PCDHGA2: variants seen among roughly 807,000 people sequenced by gnomAD.
The protein encoded by PCDHGA2 is protocadherin gamma subfamily A, 2.
Under a neutral mutation model 59.2 loss-of-function variants are expected in PCDHGA2, and 40 were observed. The observed-to-expected ratio is 0.68, with a 90% CI of 0.52 to 0.88. The LOEUF (loss-of-function observed/expected upper bound fraction) is 0.88. Among genes scored for constraint, PCDHGA2 ranks in the 40% least tolerant of loss-of-function variants. The pLI is 0.00. For synonymous variants in PCDHGA2, 560 were observed against 526.0 expected (o/e 1.06, Z -0.89); for missense variants, 1,226 against 1,204.0 (o/e 1.02, Z -0.27).
Position 141,485,752 on chromosome 5 carries a change from G to A in PCDHGA2, c.2425-9055G>A. 1 of 1,614,232 alleles carries A rather than the reference G, an allele frequency of 6.2e-7. No individual in the cohort carries two copies. Among genetic ancestry groups the A allele is most frequent in the Middle Eastern group, 1.6e-4 (1 of 6,062 alleles). ...GCAGCGACGGCAGCCTGGTCCCAGA[G>A]CTGCTCCTGGAGAAGCCTTTGGATC... On this transcript the variant is annotated intron_variant, in intron 1 of 3. Coordinates refer to ENST00000394576, the MANE Select transcript of PCDHGA2 (RefSeq NM_018915.4). This position sits in a 1 kb window ranked among gnomAD's most constrained non-coding sequence, Gnocchi z 5.7.
At chr5:141,376,590 G>C (rs569935512) in intron 1 of PCDHGA2, 2 of 1,570,070 alleles carry the variant, frequency 1.3e-6, no homozygotes, top group Admixed American at 1.8e-5. Flanking sequence ...CAGCTAGATC[G>C]GCTGTTATAG....
In PCDHGA2 at chr5:141,388,603, C is replaced by T. The variant is rs558931275; in HGVS notation, c.2424+47208C>T. The T allele has an allele frequency of 6.9e-5, 111 of 1,613,860 alleles. 1 individual carries two copies. The South Asian group carries it at 1.2e-3, about 18-fold the overall frequency. ...GTGACTGATGCCAATGATAATGCTCCAGTGTTCAGTCAAGACGTATACAGG... is the reference window on the plus strand; with the variant it reads ...GTGACTGATGCCAATGATAATGCTCTAGTGTTCAGTCAAGACGTATACAGG... On this transcript the variant is annotated intron_variant, in intron 1 of 3. Transcript: ENST00000394576.
At chr5:141,443,604 G>A (rs1561911807) in intron 1 of PCDHGA2, among the ~76,000 whole-genome samples, 1 of 152,194 alleles carries the variant, frequency 6.6e-6, no homozygotes, top group Non-Finnish European at 1.5e-5. Context: ...TATATGAAAT[G>A]TTCTTATAAT....
chr5:141,424,799 A>G (rs552155487), intron 1 of PCDHGA2: 90 of 152,274 alleles, frequency 5.9e-4, no homozygotes, highest in African/African-American at 2.1e-3. Context: ...ATTCAGACCA[A>G]CTTGTTATTG....
Position 141,489,068 on chromosome 5 carries a change from G to GC in PCDHGA2, c.2425-5736dup. ...CTCAAATTCAGCTCCCCTCCCCCCT[G>GC]CCCACCCCCGCCACTCGGTGACTAA... On this transcript the variant is annotated intron_variant, in intron 1 of 3. Transcript: ENST00000394576. The surrounding 1 kb of genome is among the most constrained non-coding windows in gnomAD (Gnocchi z 4.5). 3 of 291,558 alleles carry GC rather than the reference G, an allele frequency of 1.0e-5. No homozygotes were observed. Among genetic ancestry groups the GC allele is most frequent in the Admixed American group, 5.4e-5 (1 of 18,530 alleles). 18.1% of individuals were successfully genotyped at this position (291,558 alleles called of 1,614,324 possible).
At chr5:141,498,073 T>C (rs1474889879) in intron 2 of PCDHGA2, among the ~76,000 whole-genome samples, 1 of 152,214 alleles carries the variant, frequency 6.6e-6, no homozygotes, top group Non-Finnish European at 1.5e-5. Context: ...CTGTCATAAG[T>C]GCTAGGTAGA....
At chr5:141,351,639 A>G (rs552754324) in intron 1 of PCDHGA2, 4 of 1,614,040 alleles carry the variant, frequency 2.5e-6, no homozygotes, top group African/African-American at 1.3e-5. Flanking sequence ...GTGTCTGAGA[A>G]CAACCCACCT....
chr5:141,357,517 C>T (rs1051091923), intron 1 of PCDHGA2: 6 of 1,614,246 alleles, frequency 3.7e-6, no homozygotes, highest in Non-Finnish European at 5.1e-6. Flanking sequence ...CTTCTCCCAA[C>T]CCAGCTATGC....
At chr5:141,470,112 G>T (rs1186184232) in intron 1 of PCDHGA2, among the ~76,000 whole-genome samples, 1 of 152,104 alleles carries the variant, frequency 6.6e-6, no homozygotes, top group Non-Finnish European at 1.5e-5. Flanking sequence ...CTGAGCAACA[G>T]AGCAAGACTT....
intron 1 of PCDHGA2, chr5:141,376,017 C>G: frequency 6.2e-7 from 1 of 1,613,290 alleles, no homozygotes; most frequent in Middle Eastern, 1.7e-4. Flanking sequence ...CTAGTGGTGG[C>G]CGTCCAGGAC....
chr5:141,371,367 G>T, intron 1 of PCDHGA2: 1 of 1,613,892 alleles, frequency 6.2e-7, no homozygotes, highest in South Asian at 1.1e-5. Context: ...AAAGGATGGT[G>T]GACATCACAC....
intron 1 of PCDHGA2, among the ~76,000 whole-genome samples, chr5:141,463,726 A>G (rs6888081): frequency 0.29 from 44,573 of 151,836 alleles, 7,596 homozygotes; most frequent in African/African-American, 0.48. Flanking sequence ...GATTACAGGC[A>G]TGAGCCACCG....
intron 1 of PCDHGA2, among the ~76,000 whole-genome samples, chr5:141,450,782 C>G (rs1012152203): frequency 6.6e-6 from 1 of 151,236 alleles, no homozygotes; most frequent in Non-Finnish European, 1.5e-5. Context: ...CCACCGTGCC[C>G]GGACCTCATG....
At position 141,409,941 on chromosome 5, in the gene PCDHGA2, G is replaced by C. The variant is rs757414302; in HGVS notation, c.2424+68546G>C. ...TCCGCGTTCTTCGATATGGTACCTC[G>C]CTCTGCAGAGCCCGGCTACCTAGTG... On this transcript the variant is annotated intron_variant, in intron 1 of 3. Transcript: ENST00000394576. 1.9e-6 allele frequency: 3 copies of C among 1,613,226 alleles called. No homozygotes were observed. In the South Asian group the frequency reaches 3.3e-5, roughly 18 times the overall value.
At chr5:141,510,844 C>A in intron 3 of PCDHGA2, 103 bp from the exon 4 acceptor site, 1 of 1,592,684 alleles carries the variant, frequency 6.3e-7, no homozygotes, top group South Asian at 1.1e-5. Context: ...GTGGTCAAGG[C>A]CCAGGGTGCT....
At chr5:141,355,494 A>G in intron 1 of PCDHGA2, 1 of 1,614,040 alleles carries the variant, frequency 6.2e-7, no homozygotes. Context: ...TCTGCGACAG[A>G]TCTCCAAACT....
At chr5:141,361,569 C>T in intron 1 of PCDHGA2, 1 of 1,614,072 alleles carries the variant, frequency 6.2e-7, no homozygotes. Flanking sequence ...GTGCCTCTGA[C>T]CCTGACTTGG....
intron 1 of PCDHGA2, chr5:141,395,104 G>A (rs1420682544): frequency 1.9e-6 from 3 of 1,614,028 alleles, no homozygotes; most frequent in Admixed American, 3.3e-5. Flanking sequence ...GCCGACTCGC[G>A]GAAGAGTCAC....
rs753473913 is a variant in PCDHGA2 at position 141,503,323 on chromosome 5, G to A, written c.2484-2070G>A. On this transcript the variant is annotated intron_variant, in intron 2 of 3. Transcript: ENST00000394576. The stretch of plus-strand genomic sequence containing the variant: ...CTCAAGAAAGAATTGTTGGAGGGGC[G>A]CGGTGGCTCACGCCTGTAATTCCAG... Among the ~76,000 whole-genome samples the A allele has an allele frequency of 2.0e-5, 3 of 152,214 alleles. No individual in the cohort carries two copies. In the Middle Eastern group the frequency reaches 0.01, roughly 518 times the overall value.
Sources: allele counts gnomAD v4.1 joint callset (sites outside exome capture counted in the v4.1 genomes callset), GRCh38; gene constraint gnomAD v4.1.1; non-coding constraint Gnocchi (gnomAD v3.1); transcripts MANE v1.5; gene names NCBI Gene and HGNC (gene_info 2026-07-23, HGNC 2026-07-21).